Variants in TSHR observed in about 807,000 individuals in gnomAD.
TSHR encodes the protein thyrotropin receptor.
Under a neutral mutation model 64.1 loss-of-function variants are expected in TSHR, and 51 were observed. The ratio of observed to expected loss-of-function variants is 0.80; its 90% CI spans 0.64 to 1.01. TSHR has a LOEUF of 1.01. Among genes scored for constraint, TSHR ranks in the 50% least tolerant of loss-of-function variants. TSHR has a pLI of 0.00. For synonymous variants in TSHR, 361 were observed against 361.9 expected (o/e 1.00, Z 0.03); for missense variants, 877 against 942.8 (o/e 0.93, Z 0.91).
At chr14:81,011,838 G>A (rs1208791913) in intron 1 of TSHR, among the ~76,000 whole-genome samples, 3 of 151,556 alleles carry the variant, frequency 2.0e-5, no homozygotes, top group Non-Finnish European at 2.9e-5. Context: ...CCAGACTGGC[G>A]ACAGAGGGAG....
intron 1 of TSHR, among the ~76,000 whole-genome samples, chr14:81,008,813 C>T (rs966832377): frequency 3.3e-5 from 5 of 151,978 alleles, no homozygotes; most frequent in South Asian, 2.1e-4. Context: ...TTAAATAACC[C>T]GAACATTAAT....
intron 1 of TSHR, among the ~76,000 whole-genome samples, chr14:80,965,532 C>T (rs1020471677): frequency 3.3e-5 from 5 of 152,144 alleles, no homozygotes. Context: ...GTTTCTAATG[C>T]CTCCTACATG....
chr14:80,980,851 T>C (rs1277022130), intron 1 of TSHR, among the ~76,000 whole-genome samples: 3 of 152,244 alleles, frequency 2.0e-5, no homozygotes, highest in Non-Finnish European at 4.4e-5. Flanking sequence ...GCTTTACATA[T>C]ATTTCCAGGC....
chr14:81,003,886 T>C (rs903335413), intron 1 of TSHR, among the ~76,000 whole-genome samples: 8 of 152,190 alleles, frequency 5.3e-5, no homozygotes, highest in African/African-American at 1.9e-4. Context: ...CCACATTCAA[T>C]CAGTCACTAA....
intron 1 of TSHR, among the ~76,000 whole-genome samples, chr14:81,004,314 A>G (rs569693573): frequency 6.6e-6 from 1 of 152,190 alleles, no homozygotes; most frequent in South Asian, 2.1e-4. Context: ...GGTGATTCTG[A>G]TATCTCCTAT....
Position 81,103,244 on chromosome 14 carries a change from A to G in TSHR, c.615-5131A>G, listed in dbSNP as rs1889696111. On this transcript the variant is annotated intron_variant, in intron 7 of 9. Coordinates refer to ENST00000298171, the MANE Select transcript of TSHR (RefSeq NM_000369.5). This position sits in a 1 kb window ranked among gnomAD's most constrained non-coding sequence, Gnocchi z 4.1. The stretch of plus-strand genomic sequence containing the variant: ...GGATGTTGCTTTTGGTGTCAATGCT[A>G]ATTAAGATTTTAAACTAAGGCAAAC... 3 of 985,432 alleles carry G rather than the reference A, an allele frequency of 3.0e-6. No individual in the cohort carries two copies. In the African/African-American group the frequency reaches 5.2e-5, roughly 17 times the overall value. The allele number at this position is 985,432 out of a possible 1,614,324, so 61.0% of individuals were successfully genotyped here.
In TSHR at chr14:81,114,352, C is replaced by T. The variant is rs61980871; in HGVS notation, c.692+5900C>T. Among the ~76,000 whole-genome samples the T allele has an allele frequency of 7.0e-3, 1,062 of 152,330 alleles. 9 individuals are homozygous for T. Among genetic ancestry groups the T allele is most frequent in the Middle Eastern group, 0.027 (8 of 294 alleles). On this transcript the variant is annotated intron_variant, in intron 8 of 9. Coordinates refer to ENST00000298171, the MANE Select transcript of TSHR (RefSeq NM_000369.5). Reference sequence around the variant, plus strand: ...GTGCGCGAGCCAAAGCAGGGCGAGGCATTGCCTCACTCCAGAAGCGCAAGC... The same window carrying T: ...GTGCGCGAGCCAAAGCAGGGCGAGGTATTGCCTCACTCCAGAAGCGCAAGC...
intron 7 of TSHR, among the ~76,000 whole-genome samples, chr14:81,098,496 A>G (rs907742077): frequency 1.4e-4 from 22 of 152,320 alleles, no homozygotes; most frequent in African/African-American, 5.3e-4. Flanking sequence ...TGATTCAACT[A>G]TTCCTAGAAA....
chr14:81,108,127 G>A (rs976000608), intron 7 of TSHR, among the ~76,000 whole-genome samples: 8 of 151,988 alleles, frequency 5.3e-5, no homozygotes, highest in African/African-American at 1.9e-4. Flanking sequence ...AGAAATTTAG[G>A]TATGCAAACT....
chr14:81,128,567 T>C (rs565014450), intron 8 of TSHR, among the ~76,000 whole-genome samples: 34 of 152,284 alleles, frequency 2.2e-4, no homozygotes, highest in African/African-American at 7.9e-4. Flanking sequence ...TCCTCACAAA[T>C]AGCCTTCAAA....
chr14:81,022,458 G>C (rs892526521), intron 1 of TSHR, among the ~76,000 whole-genome samples: 1 of 152,162 alleles, frequency 6.6e-6, no homozygotes, highest in Admixed American at 6.5e-5. Flanking sequence ...GCTATGATTT[G>C]AATGTTTGTG....
chr14:81,037,799 T>C (rs1380617353), intron 1 of TSHR, among the ~76,000 whole-genome samples: 4 of 152,180 alleles, frequency 2.6e-5, no homozygotes, highest in African/African-American at 7.2e-5. Flanking sequence ...TAAATAGATA[T>C]GCACCCAACA....
At chr14:81,013,450 T>C (rs954788236) in intron 1 of TSHR, 2 of 152,190 alleles carry the variant, frequency 1.3e-5, no homozygotes, top group Non-Finnish European at 2.9e-5. Context: ...ATGTACACAA[T>C]TTTTGAGACA....
At chr14:80,981,811 C>T (rs1025791408) in intron 1 of TSHR, among the ~76,000 whole-genome samples, 2 of 152,146 alleles carry the variant, frequency 1.3e-5, no homozygotes, top group East Asian at 1.9e-4. Flanking sequence ...CCCTCTGTAT[C>T]GTTGACAGAG....
intron 1 of TSHR, among the ~76,000 whole-genome samples, chr14:81,029,439 G>C (rs964039336): frequency 1.3e-5 from 2 of 152,094 alleles, no homozygotes; most frequent in Non-Finnish European, 2.9e-5. Context: ...GGGAGACATG[G>C]AAGGGGAGCG....
At chr14:81,104,953 T>A in intron 7 of TSHR, 1 of 985,448 alleles carries the variant, frequency 1.0e-6, no homozygotes, top group Non-Finnish European at 1.2e-6. Flanking sequence ...TCTTTTCTCA[T>A]AAGCCCTTTC....
chr14:81,106,808 G>T (rs1448608701), intron 7 of TSHR, among the ~76,000 whole-genome samples: 2 of 152,054 alleles, frequency 1.3e-5, no homozygotes, highest in Non-Finnish European at 2.9e-5. Context: ...AGTCAGGCAT[G>T]ATGGCGATCG....
intron 1 of TSHR, among the ~76,000 whole-genome samples, chr14:81,009,228 A>G (rs548415242): frequency 2.0e-5 from 3 of 152,314 alleles, no homozygotes; most frequent in African/African-American, 7.2e-5. Flanking sequence ...CCTATGTATG[A>G]GAAGATCTTT....
intron 3 of TSHR, among the ~76,000 whole-genome samples, chr14:81,084,648 C>T (rs527687222): frequency 6.1e-4 from 93 of 152,314 alleles, no homozygotes; most frequent in Non-Finnish European, 1.1e-3. Context: ...GCTGGAGGCA[C>T]AGCCATCTTC....
Sources: allele counts gnomAD v4.1 joint callset (sites outside exome capture counted in the v4.1 genomes callset), GRCh38; gene constraint gnomAD v4.1.1; non-coding constraint Gnocchi (gnomAD v3.1); transcripts MANE v1.5; gene names NCBI Gene and HGNC (gene_info 2026-07-23, HGNC 2026-07-21).